WDFY4: variants seen among roughly 807,000 people sequenced by gnomAD.
The protein encoded by WDFY4 is WD repeat- and FYVE domain-containing protein 4.
Under a neutral mutation model 351.9 loss-of-function variants are expected in WDFY4, and 169 were observed. The observed-to-expected ratio is 0.48, with a 90% CI of 0.42 to 0.55. The LOEUF is 0.55. Among genes scored for constraint, WDFY4 ranks in the 20% least tolerant of loss-of-function variants. WDFY4 has a pLI of 0.00. For missense variants in WDFY4, 3,803 were observed against 3,935.6 expected, an observed-to-expected ratio of 0.97 and a Z score of 0.90; for synonymous variants, 1,622 against 1,574.6, an observed-to-expected ratio of 1.03 and a Z score of -0.71.
chr10:48,882,209 C>T lies in WDFY4; in HGVS notation c.7167+5010C>T, dbSNP rs77442741. On this transcript the variant is annotated intron_variant, in intron 43 of 61. Transcript: ENST00000325239. ...TGGGGGAACCTGGGTCTTGGGGGAG[C>T]CTGCTCTGGGGTGGGGAGGGTCTTG... Among the ~76,000 whole-genome samples the T allele has an allele frequency of 3.4e-3, 515 of 152,220 alleles. 1 individual carries two copies. Among genetic ancestry groups the T allele is most frequent in the African/African-American group, 0.012 (497 of 41,508 alleles).
intron 23 of WDFY4, among the ~76,000 whole-genome samples, chr10:48,793,040 G>A (rs181240555): frequency 6.6e-6 from 1 of 152,354 alleles, no homozygotes; most frequent in East Asian, 1.9e-4. Flanking sequence ...AGGTTTCCTG[G>A]AGACTGAGCT....
At chr10:48,784,739 A>T (rs1382154377) in intron 19 of WDFY4, among the ~76,000 whole-genome samples, 2 of 147,566 alleles carry the variant, frequency 1.4e-5, no homozygotes, top group Non-Finnish European at 1.5e-5. Context: ...ATGGGTTTTC[A>T]CTATGTTGGC....
chr10:48,949,317 C>T (rs1211565019), intron 51 of WDFY4, among the ~76,000 whole-genome samples: 1 of 152,186 alleles, frequency 6.6e-6, no homozygotes, highest in African/African-American at 2.4e-5. Flanking sequence ...AAGAAAGAGC[C>T]ACCTTCAGCT....
chr10:48,831,356 A>G (rs1036529211), intron 38 of WDFY4, among the ~76,000 whole-genome samples: 1 of 152,242 alleles, frequency 6.6e-6, no homozygotes, highest in Non-Finnish European at 1.5e-5. Context: ...TTTTTATCAT[A>G]TTAGTATTTG....
At chr10:48,734,070 T>G in intron 10 of WDFY4, 35 bp downstream of exon 10, 3 of 1,519,778 alleles carry the variant, frequency 2.0e-6, no homozygotes, top group Non-Finnish European at 2.7e-6. Context: ...CATCACTGCT[T>G]GGTAAAACAT....
In WDFY4 at chr10:48,729,418, A is replaced by C; in HGVS notation, c.972-14A>C. On this transcript the variant is annotated splice_polypyrimidine_tract_variant and intron_variant, in intron 7 of 61. Coordinates refer to ENST00000325239, the MANE Select transcript of WDFY4 (RefSeq NM_001394531.1). ...CTAGGAAGTACAGGGAGCTGGCCTC[A>C]TCTGTTCCCCCAGGTATGATGGGCT... 1 of 1,550,290 alleles carries C rather than the reference A, an allele frequency of 6.5e-7. No individual in the cohort carries two copies. The highest frequency in any genetic ancestry group is 8.7e-7 in the Non-Finnish European group (1 of 1,146,940).
intron 24 of WDFY4, among the ~76,000 whole-genome samples, chr10:48,798,572 C>T (rs549218841): frequency 3.3e-5 from 5 of 152,190 alleles, no homozygotes; most frequent in Admixed American, 2.0e-4. Context: ...GTTTTCAGAG[C>T]GCACTCTAAA....
At chr10:48,784,133 A>G (rs1330325277) in intron 19 of WDFY4, among the ~76,000 whole-genome samples, 5 of 152,236 alleles carry the variant, frequency 3.3e-5, no homozygotes, top group Non-Finnish European at 7.3e-5. Flanking sequence ...GGCTATTACA[A>G]ATAAAGCTTT....
intron 11 of WDFY4, among the ~76,000 whole-genome samples, chr10:48,741,039 T>C (rs965899219): frequency 6.6e-6 from 1 of 152,232 alleles, no homozygotes; most frequent in African/African-American, 2.4e-5. Flanking sequence ...CAATCTGTTT[T>C]GTTTTTTAAA....
intron 28 of WDFY4, among the ~76,000 whole-genome samples, chr10:48,810,138 A>T (rs2067399349): frequency 6.6e-6 from 1 of 152,150 alleles, no homozygotes; most frequent in Non-Finnish European, 1.5e-5. Context: ...TTAAAAAGGG[A>T]GGGGAATATT....
intron 5 of WDFY4, among the ~76,000 whole-genome samples, chr10:48,725,101 A>C (rs10776640): frequency 0.53 from 80,817 of 151,994 alleles, 23,009 homozygotes; most frequent in Admixed American, 0.65. Context: ...GACAGGTGAG[A>C]CCTTGGTCAC....
At chr10:48,775,420 G>A (rs368540045) in intron 14 of WDFY4, among the ~76,000 whole-genome samples, 2 of 152,210 alleles carry the variant, frequency 1.3e-5, no homozygotes, top group Non-Finnish European at 1.5e-5. Flanking sequence ...TGGTTATAGT[G>A]CTGCATGGGA....
intron 39 of WDFY4, among the ~76,000 whole-genome samples, chr10:48,839,707 A>G (rs560395799): frequency 3.3e-5 from 5 of 152,372 alleles, no homozygotes; most frequent in Admixed American, 1.3e-4. Flanking sequence ...AGAAATCACA[A>G]TGCTGTATTG....
In WDFY4 at chr10:48,880,239, C is replaced by T. The variant is rs2889698; in HGVS notation, c.7167+3040C>T. Among the ~76,000 whole-genome samples, 9 of 152,216 alleles carry T rather than the reference C, an allele frequency of 5.9e-5. No homozygotes were observed. The East Asian group carries it at 7.7e-4, about 13-fold the overall frequency. On this transcript the variant is annotated intron_variant, in intron 43 of 61. Transcript: ENST00000325239. ...CAGGGACCCGAGTGAGTCCCAGCCC[C>T]GCCTCTTGCAGCCTGCAGGTGCCTT...
chr10:48,787,366 G>A (rs893396671), intron 20 of WDFY4, among the ~76,000 whole-genome samples: 9 of 152,344 alleles, frequency 5.9e-5, no homozygotes, highest in Middle Eastern at 3.4e-3. Flanking sequence ...GCTGAAGGGC[G>A]ATTGAGTGCT....
intron 51 of WDFY4, among the ~76,000 whole-genome samples, chr10:48,954,720 G>T (rs1589985888): frequency 1.3e-5 from 2 of 152,258 alleles, no homozygotes; most frequent in South Asian, 4.1e-4. Context: ...TTCTTCTAGG[G>T]AATTTGGTGT....
chr10:48,829,525 T>TA (rs1488053160), intron 37 of WDFY4, among the ~76,000 whole-genome samples: 1 of 152,196 alleles, frequency 6.6e-6, no homozygotes, highest in East Asian at 1.9e-4. Flanking sequence ...TGCAGACTGT[T>TA]ACACTTACCT....
At chr10:48,878,566 A>T (rs931450566) in intron 43 of WDFY4, 3 of 152,432 alleles carry the variant, frequency 2.0e-5, no homozygotes, top group Admixed American at 2.0e-4. Flanking sequence ...CACAGAGCAC[A>T]TTTCCATCAT....
intron 43 of WDFY4, among the ~76,000 whole-genome samples, chr10:48,885,443 T>G (rs1487947389): frequency 1.3e-5 from 2 of 152,198 alleles, no homozygotes; most frequent in African/African-American, 4.8e-5. Context: ...TGTAACATGT[T>G]TCACATTTCA....
Sources: gnomAD v4.1 joint callset for allele counts (sites outside exome capture counted in the v4.1 genomes callset) on GRCh38, gnomAD v4.1.1 for gene constraint, MANE v1.5 for transcripts, NCBI Gene and HGNC (gene_info 2026-07-23, HGNC 2026-07-21) for gene names.